The following ZDHHC20 variants were observed in gnomAD, a reference collection of about 807,000 sequenced individuals.
The protein encoded by ZDHHC20 is palmitoyltransferase ZDHHC20.
Under a neutral mutation model 57.8 loss-of-function variants are expected in ZDHHC20, and 43 were observed. That is an observed-to-expected ratio of 0.74 (90% confidence interval 0.58 to 0.96). The LOEUF is 0.96. ZDHHC20 is among the 40% of genes least tolerant of loss of function. ZDHHC20 has a pLI of 0.00. For synonymous variants in ZDHHC20, 157 were observed against 153.0 expected (o/e 1.03, Z -0.19); for missense variants, 391 against 441.1 (o/e 0.89, Z 1.02).
intron 11 of ZDHHC20, among the ~76,000 whole-genome samples, chr13:21,381,063 G>T (rs1873301960): frequency 6.6e-6 from 1 of 151,704 alleles, no homozygotes; most frequent in South Asian, 2.1e-4. Flanking sequence ...CTGGAGTGCA[G>T]TGGCGCGATC....
chr13:21,436,736 T>C (rs1882590473), intron 1 of ZDHHC20, among the ~76,000 whole-genome samples: 1 of 152,196 alleles, frequency 6.6e-6, no homozygotes, highest in Non-Finnish European at 1.5e-5. Context: ...CCTCTAAGTG[T>C]TCAGGTGAAA....
intron 1 of ZDHHC20, among the ~76,000 whole-genome samples, chr13:21,442,218 A>G (rs990791077): frequency 3.3e-5 from 5 of 151,954 alleles, no homozygotes; most frequent in South Asian, 2.1e-4. Context: ...CCTAGCTTGT[A>G]TATCTATCAT....
At position 21,421,078 on chromosome 13, in the gene ZDHHC20, C is replaced by T. The variant is rs142306758; in HGVS notation, c.232G>A (p.Ala78Thr). 24 of 1,612,234 alleles carry T rather than the reference C, an allele frequency of 1.5e-5. No individual in the cohort carries two copies. In the East Asian group the frequency reaches 3.8e-4, roughly 25 times the overall value. The change falls in exon 3 of 13, where the codon GCT becomes ACT. Residue 78 changes from alanine (A) to threonine (T), a missense_variant. This residue lies in a region of ZDHHC20 where 185 missense variants were observed against 188.0 expected (regional missense o/e 0.98). Transcript: ENST00000400590. ...AAATTTACCTCTTTGGAGGGGGAAG[C>T]GGGAGATGTGAAAATTGTCATCCAA... ...SYWMTIFTSP[A>T]SPSKEFYLSN...
chr13:21,440,368 T>G lies in ZDHHC20; in HGVS notation c.119-14690A>C, dbSNP rs192073284. 4.2e-4 allele frequency among the ~76,000 whole-genome samples: 64 copies of G among 152,216 alleles called. No homozygotes were observed. In the East Asian group the frequency reaches 0.012, roughly 29 times the overall value. On this transcript the variant is annotated intron_variant, in intron 1 of 12. Transcript: ENST00000400590. ...CTCAACACCTGTAATCCCAGCACTT[T>G]GGGAGGCCGAGGCGGGTGGATCACC...
chr13:21,429,036 G>A (rs1951062217), intron 1 of ZDHHC20, among the ~76,000 whole-genome samples: 1 of 152,034 alleles, frequency 6.6e-6, no homozygotes, highest in Non-Finnish European at 1.5e-5. Context: ...ATGGTTCTTT[G>A]TGAACATGAG....
Position 21,437,310 on chromosome 13 carries a change from T to A in ZDHHC20, c.119-11632A>T, listed in dbSNP as rs75111637. ...AAGCTGCAGCAAGTTATTCAGAAGA[T>A]CTAGCTGAGATAATTGATGAAGGTA... On this transcript the variant is annotated intron_variant, in intron 1 of 12. Coordinates refer to ENST00000400590, the MANE Select transcript of ZDHHC20 (RefSeq NM_001330059.2). Among the ~76,000 whole-genome samples the A allele has an allele frequency of 3.4e-3, 516 of 152,360 alleles. 13 individuals are homozygous for A. In the East Asian group the frequency reaches 0.054, roughly 16 times the overall value.
rs761862600 is a variant in ZDHHC20 at position 21,400,360 on chromosome 13, A to T, written c.594+13T>A. On this transcript the variant is annotated intron_variant, in intron 7 of 12. Transcript: ENST00000400590. ...TCTTAAATACATGTTTCAAGATAGA[A>T]AAAAAGACTTACCGTCCAAAATTTT... 81 of 1,574,302 alleles carry T rather than the reference A, an allele frequency of 5.1e-5. No homozygotes were observed. The highest frequency in any genetic ancestry group is 3.7e-5 in the Non-Finnish European group (43 of 1,169,036).
intron 1 of ZDHHC20, among the ~76,000 whole-genome samples, chr13:21,455,633 G>GGTGTGTGTGTGT (rs3070118): frequency 6.8e-6 from 1 of 148,082 alleles, no homozygotes; most frequent in African/African-American, 2.5e-5. Context: ...CCAGTGAAGT[G>GGTGTGTGTGTGT]GTGTGTGTGT....
intron 11 of ZDHHC20, among the ~76,000 whole-genome samples, chr13:21,379,814 T>C (rs1399569070): frequency 8.7e-6 from 1 of 114,900 alleles, no homozygotes; most frequent in Admixed American, 9.2e-5. Context: ...GTGCTCTTTT[T>C]TTTCTTTTTT....
chr13:21,449,314 G>A (rs1353626883), intron 1 of ZDHHC20, among the ~76,000 whole-genome samples: 2 of 152,168 alleles, frequency 1.3e-5, no homozygotes, highest in African/African-American at 2.4e-5. Flanking sequence ...ATGATCAGCT[G>A]GAATGTTTCT....
intron 7 of ZDHHC20, among the ~76,000 whole-genome samples, chr13:21,395,212 G>A (rs183841823): frequency 4.0e-5 from 6 of 151,708 alleles, no homozygotes; most frequent in Non-Finnish European, 5.9e-5. Context: ...GACTACAGGC[G>A]CCAGCTACCA....
intron 1 of ZDHHC20, among the ~76,000 whole-genome samples, chr13:21,446,998 A>G (rs568742053): frequency 6.6e-6 from 1 of 152,174 alleles, no homozygotes; most frequent in South Asian, 2.1e-4. Flanking sequence ...GCCAGTCAAG[A>G]TCTTGAGAAT....
intron 1 of ZDHHC20, among the ~76,000 whole-genome samples, chr13:21,436,604 A>G (rs1882570965): frequency 6.6e-6 from 1 of 152,332 alleles, no homozygotes; most frequent in African/African-American, 2.4e-5. Flanking sequence ...AACTTAATAA[A>G]TGTGGTGTTT....
chr13:21,425,870 C>A (rs371656570), intron 1 of ZDHHC20, among the ~76,000 whole-genome samples, 192 bp from the exon 2 acceptor site: 1 of 152,106 alleles, frequency 6.6e-6, no homozygotes, highest in Non-Finnish European at 1.5e-5. Context: ...AATCCAAATT[C>A]TTTATCATTA....
At chr13:21,378,499 A>G (rs1018200997) in intron 12 of ZDHHC20, among the ~76,000 whole-genome samples, 162 bp downstream of exon 12, 2 of 152,248 alleles carry the variant, frequency 1.3e-5, no homozygotes, top group Admixed American at 6.5e-5. Flanking sequence ...GGAATAAGGA[A>G]AATGAGATTT....
In ZDHHC20 at chr13:21,391,866, AAG is replaced by A. The variant is rs747874097; in HGVS notation, c.595-14_595-13del. On this transcript the variant is annotated splice_polypyrimidine_tract_variant and intron_variant, in intron 7 of 12. Transcript: ENST00000400590. ...TCTGTCAGTTCATTCTGAGGAAAAA[AAG>A]AAGTTAATTTTGAGGTCAACCTCTA... The A allele has an allele frequency of 8.7e-6, 14 of 1,604,918 alleles. No individual in the cohort carries two copies. In the Admixed American group the frequency reaches 2.1e-4, roughly 24 times the overall value.
At position 21,400,120 on chromosome 13, in the gene ZDHHC20, G is replaced by A. The variant is rs372458337; in HGVS notation, c.594+253C>T. ...ACCTCCCTAAAATGAATATGTCTTTGTTAGAATGTGGGTGAAAATAATTTG... is the reference window on the plus strand; with the variant it reads ...ACCTCCCTAAAATGAATATGTCTTTATTAGAATGTGGGTGAAAATAATTTG... On this transcript the variant is annotated intron_variant, in intron 7 of 12. Coordinates refer to ENST00000400590, the MANE Select transcript of ZDHHC20 (RefSeq NM_001330059.2). Among the ~76,000 whole-genome samples, 5 of 152,092 alleles carry A rather than the reference G, an allele frequency of 3.3e-5. No individual in the cohort carries two copies. In the East Asian group the frequency reaches 9.7e-4, roughly 29 times the overall value.
chr13:21,398,992 T>C (rs1441214368), intron 7 of ZDHHC20, among the ~76,000 whole-genome samples: 1 of 152,212 alleles, frequency 6.6e-6, no homozygotes, highest in Non-Finnish European at 1.5e-5. Flanking sequence ...AAGGAATTAA[T>C]ATTATCTTGA....
chr13:21,445,126 G>A (rs1018078621), intron 1 of ZDHHC20, among the ~76,000 whole-genome samples: 7 of 151,828 alleles, frequency 4.6e-5, no homozygotes, highest in African/African-American at 1.7e-4. Flanking sequence ...ATATATGGGA[G>A]AGGTTTTGTC....
Sources: allele counts gnomAD v4.1 joint callset (sites outside exome capture counted in the v4.1 genomes callset), GRCh38; gene constraint gnomAD v4.1.1; regional missense constraint gnomAD v4.1.1; transcripts MANE v1.5; gene names NCBI Gene and HGNC (gene_info 2026-07-23, HGNC 2026-07-21).